LRFN2: variants seen among roughly 807,000 people sequenced by gnomAD.
LRFN2 encodes the protein leucine-rich repeat and fibronectin type-III domain-containing protein 2.
A neutral mutation model predicts 37.3 loss-of-function variants in LRFN2; 18 were observed. That is an observed-to-expected ratio of 0.48 (90% CI 0.33 to 0.72). The LOEUF (loss-of-function observed/expected upper bound fraction) is 0.72. Among genes scored for constraint, LRFN2 ranks in the 30% least tolerant of loss-of-function variants. LRFN2 has a pLI of 0.02. For synonymous variants in LRFN2, 556 were observed against 466.6 expected (o/e 1.19, Z -2.47); for missense variants, 1,006 against 1,060.7 (o/e 0.95, Z 0.72).
intron 1 of LRFN2, among the ~76,000 whole-genome samples, chr6:40,480,958 T>A (rs1764813645): frequency 6.6e-6 from 1 of 152,190 alleles, no homozygotes; most frequent in Admixed American, 6.5e-5. Flanking sequence ...CCTATACATC[T>A]GGAGGGAAGG....
At chr6:40,519,662 G>T (rs1456526767) in intron 1 of LRFN2, among the ~76,000 whole-genome samples, 1 of 152,236 alleles carries the variant, frequency 6.6e-6, no homozygotes, top group African/African-American at 2.4e-5. Flanking sequence ...ACCAGGCTCA[G>T]CATTGCTGCT....
At chr6:40,411,030 C>T (rs527375760) in intron 2 of LRFN2, among the ~76,000 whole-genome samples, 120 of 152,342 alleles carry the variant, frequency 7.9e-4, no homozygotes, top group Non-Finnish European at 2.6e-4. Flanking sequence ...GGAGGATGGC[C>T]ATATGGGCCT....
At position 40,481,439 on chromosome 6, in the gene LRFN2, C is replaced by CAA. The variant is rs11384253; in HGVS notation, c.-18-48310_-18-48309dup. On this transcript the variant is annotated intron_variant, in intron 1 of 2. Coordinates refer to ENST00000338305, the MANE Select transcript of LRFN2 (RefSeq NM_020737.3). ...CCTGGGCAACAGAAAAAGATTGTCT[C>CAA]AAAAAAAAAAAAAAAAAAGAGAGAA... 4.7e-3 allele frequency among the ~76,000 whole-genome samples: 565 copies of CAA among 119,178 alleles called. 5 individuals carry two copies. The highest frequency in any genetic ancestry group is 0.022 in the Middle Eastern group (5 of 224). 78.2% of individuals were successfully genotyped at this position (119,178 alleles called of 152,430 possible). A position where few individuals can be genotyped will look rare whatever the true frequency, so the allele number is the denominator to read the frequency against.
rs373139980 is a variant in LRFN2, at chr6:40,469,071, C to T, written c.-18-35940G>A. ...GGTGATGTGATTGTCCTGGATTACC[C>T]GGGTGGGCCCTAAATCCCATGACAA... On this transcript the variant is annotated intron_variant, in intron 1 of 2. Coordinates refer to ENST00000338305, the MANE Select transcript of LRFN2 (RefSeq NM_020737.3). Among the ~76,000 whole-genome samples the T allele has an allele frequency of 1.6e-4, 24 of 152,224 alleles. No individual in the cohort carries two copies. In the East Asian group the frequency reaches 1.9e-3, roughly 12 times the overall value.
chr6:40,577,836 A>AAAT (rs377669863), intron 1 of LRFN2, among the ~76,000 whole-genome samples: 2,460 of 42,114 alleles, frequency 0.058, 83 homozygotes, highest in African/African-American at 0.19. Flanking sequence ...AAAATAAATA[A>AAAT]AAATAAAAGA....
chr6:40,391,597 A>C lies in LRFN2; in HGVS notation c.*346T>G. 2 of 198,078 alleles carry C rather than the reference A, an allele frequency of 1.0e-5. No homozygotes were observed. The highest frequency in any genetic ancestry group is 1.1e-4 in the East Asian group (1 of 8,800). The allele number at this position is 198,078 out of a possible 1,614,324, so 12.3% of individuals were successfully genotyped here. On this transcript the variant is annotated 3_prime_UTR_variant, in exon 3 of 3. Transcript: ENST00000338305. Reference sequence around the variant, plus strand: ...GAAGAGGAGGAGTCTGGGAAATGGAAAAAAAATAAATTAAGAAATAAAAAC... The same window carrying C: ...GAAGAGGAGGAGTCTGGGAAATGGACAAAAAATAAATTAAGAAATAAAAAC...
intron 1 of LRFN2, among the ~76,000 whole-genome samples, chr6:40,556,186 G>A (rs1766872787): frequency 6.6e-6 from 1 of 152,172 alleles, no homozygotes; most frequent in South Asian, 2.1e-4. Flanking sequence ...GGGAGAGCTG[G>A]GAGGAGCCAT....
intron 1 of LRFN2, among the ~76,000 whole-genome samples, chr6:40,533,124 T>A (rs1561898390): frequency 6.6e-6 from 1 of 152,082 alleles, no homozygotes; most frequent in Non-Finnish European, 1.5e-5. Flanking sequence ...TTTTGTTTTG[T>A]TTTCTCTCTG....
intron 2 of LRFN2, among the ~76,000 whole-genome samples, chr6:40,423,199 A>T (rs78583869): frequency 4.4e-4 from 67 of 152,140 alleles, no homozygotes; most frequent in African/African-American, 1.6e-3. Flanking sequence ...GTCTTTCAGA[A>T]CTCCCAATTG....
At chr6:40,407,369 C>T (rs1705361084) in intron 2 of LRFN2, among the ~76,000 whole-genome samples, 1 of 152,202 alleles carries the variant, frequency 6.6e-6, no homozygotes, top group Non-Finnish European at 1.5e-5. Flanking sequence ...CTGCCCCCGA[C>T]CAGATGTGTG....
At chr6:40,572,467 T>C (rs980778689) in intron 1 of LRFN2, among the ~76,000 whole-genome samples, 8 of 152,062 alleles carry the variant, frequency 5.3e-5, no homozygotes, top group African/African-American at 1.2e-4. Context: ...CTAATTACTA[T>C]GGGAAGTGTT....
chr6:40,562,833 ACT>A (rs1491374876), intron 1 of LRFN2, among the ~76,000 whole-genome samples: 21,468 of 135,010 alleles, frequency 0.16, 1,523 homozygotes, highest in Non-Finnish European at 0.17. Flanking sequence ...GCGTGCACTC[ACT>A]CACACACACA....
At chr6:40,579,252 C>G (rs982294282) in intron 1 of LRFN2, among the ~76,000 whole-genome samples, 1 of 152,198 alleles carries the variant, frequency 6.6e-6, no homozygotes, top group Non-Finnish European at 1.5e-5. Flanking sequence ...GATTTAATGT[C>G]TATTCCAGGG....
intron 1 of LRFN2, among the ~76,000 whole-genome samples, chr6:40,508,375 C>T (rs555011626): frequency 1.3e-4 from 20 of 152,320 alleles, no homozygotes; most frequent in South Asian, 8.3e-4. Context: ...ACTCTCCCTG[C>T]TCTCTTTCCT....
Position 40,497,680 on chromosome 6 carries a change from T to C in LRFN2, c.-18-64549A>G, listed in dbSNP as rs559879582. On this transcript the variant is annotated intron_variant, in intron 1 of 2. Coordinates refer to ENST00000338305, the MANE Select transcript of LRFN2 (RefSeq NM_020737.3). ...CTGACAGTGCCTCAGTTTCCACACCTGCATCAAGGAGGCTCTGCAGCACAG... is the reference window on the plus strand; with the variant it reads ...CTGACAGTGCCTCAGTTTCCACACCCGCATCAAGGAGGCTCTGCAGCACAG... Among the ~76,000 whole-genome samples the C allele has an allele frequency of 2.0e-5, 3 of 152,220 alleles. No homozygotes were observed. In the South Asian group the frequency reaches 6.2e-4, roughly 32 times the overall value.
At chr6:40,442,676 AGAGCT>A (rs1202218982) in intron 1 of LRFN2, among the ~76,000 whole-genome samples, 4 of 152,182 alleles carry the variant, frequency 2.6e-5, no homozygotes, top group African/African-American at 9.6e-5. Flanking sequence ...TCCATCAGAC[AGAGCT>A]GTATCTTCTT....
At chr6:40,480,273 C>A (rs1348628937) in intron 1 of LRFN2, among the ~76,000 whole-genome samples, 4 of 151,938 alleles carry the variant, frequency 2.6e-5, no homozygotes, top group African/African-American at 7.3e-5. Flanking sequence ...GGCTTTTTTT[C>A]TTTTTTCTTT....
chr6:40,488,730 C>T (rs1041729191), intron 1 of LRFN2, among the ~76,000 whole-genome samples: 2 of 152,158 alleles, frequency 1.3e-5, no homozygotes, highest in South Asian at 4.1e-4. Flanking sequence ...TCCCTATACC[C>T]ACTGTGTTTT....
In LRFN2 at chr6:40,392,313, C is replaced by T; in HGVS notation, c.2000G>A (p.Ser667Asn). Reference sequence around the variant, plus strand: ...GTCCAGCAGCTCCTCCTTTCTCTGACTCTTGAGGTCCAGGGAGGCGAAGGC... The same window carrying T: ...GTCCAGCAGCTCCTCCTTTCTCTGATTCTTGAGGTCCAGGGAGGCGAAGGC... ...MGAFASLDLK[S>N]QRKEELLDSR... The change falls in exon 3 of 3, where the codon AGT (serine) becomes AAT (asparagine). Residue 667 changes from serine (S) to asparagine (N), a missense_variant. Physicochemically the swap from Ser to Asn is conservative, Grantham distance 46 (BLOSUM62 1). Transcript: ENST00000338305. The surrounding 1 kb of genome is among the most constrained non-coding windows in gnomAD (Gnocchi z 4.7). The T allele has an allele frequency of 6.2e-7, 1 of 1,611,082 alleles. No homozygotes were observed. The highest frequency in any genetic ancestry group is 8.5e-7 in the Non-Finnish European group (1 of 1,178,928).
Sources: allele counts gnomAD v4.1 joint callset (sites outside exome capture counted in the v4.1 genomes callset), GRCh38; gene constraint gnomAD v4.1.1; non-coding constraint Gnocchi (gnomAD v3.1); transcripts MANE v1.5; gene names NCBI Gene and HGNC (gene_info 2026-07-23, HGNC 2026-07-21).